Variants in NOL4 observed in about 807,000 individuals in gnomAD.
NOL4 encodes the protein cancer/testis antigen 125.
A neutral mutation model predicts 75.9 loss-of-function variants in NOL4; 17 were observed. The observed-to-expected ratio is 0.22, with a 90% CI of 0.15 to 0.34. NOL4 has a LOEUF of 0.34. Ranked by LOEUF, NOL4 falls within the 10% of genes least tolerant of loss-of-function variation. The pLI, the probability that NOL4 is intolerant of heterozygous loss-of-function variation, is 1.00. For synonymous variants in NOL4, 292 were observed against 289.9 expected (o/e 1.01, Z -0.07); for missense variants, 614 against 793.5 (o/e 0.77, Z 2.72).
At chr18:34,108,081 A>C (rs2079397089) in intron 2 of NOL4, among the ~76,000 whole-genome samples, 1 of 152,158 alleles carries the variant, frequency 6.6e-6, no homozygotes, top group African/African-American at 2.4e-5. Flanking sequence ...CAGGCCCTCC[A>C]TTACACTCGA....
chr18:33,959,956 T>C (rs180824874), intron 6 of NOL4, among the ~76,000 whole-genome samples: 132 of 152,076 alleles, frequency 8.7e-4, no homozygotes, highest in African/African-American at 2.6e-3. Flanking sequence ...TGTGTGTGTG[T>C]GCGTGTATGC....
chr18:34,024,931 A>G (rs1008467422), intron 5 of NOL4, among the ~76,000 whole-genome samples: 4 of 152,176 alleles, frequency 2.6e-5, no homozygotes, highest in Admixed American at 6.6e-5. Flanking sequence ...CATTTCTCAT[A>G]TAAGTGCTTA....
At chr18:34,092,893 G>A (rs1355636554) in intron 5 of NOL4, among the ~76,000 whole-genome samples, 1 of 152,078 alleles carries the variant, frequency 6.6e-6, no homozygotes, top group African/African-American at 2.4e-5. Context: ...TCAAGAATAG[G>A]CTGATTCAGA....
chr18:33,897,574 G>A (rs937831126), intron 9 of NOL4, among the ~76,000 whole-genome samples: 7 of 151,980 alleles, frequency 4.6e-5, no homozygotes, highest in Non-Finnish European at 1.0e-4. Context: ...AAGAACTTAG[G>A]AACACAAAGA....
At chr18:34,041,029 G>T (rs557962813) in intron 5 of NOL4, among the ~76,000 whole-genome samples, 17 of 152,002 alleles carry the variant, frequency 1.1e-4, no homozygotes, top group African/African-American at 3.4e-4. Flanking sequence ...GAAAAAATTT[G>T]CCAGATTATA....
chr18:34,129,386 A>G (rs904300731), intron 2 of NOL4, among the ~76,000 whole-genome samples: 5 of 151,792 alleles, frequency 3.3e-5, no homozygotes, highest in Admixed American at 2.6e-4. Flanking sequence ...GGATAAATAC[A>G]TTGAATATAA....
At chr18:34,120,678 G>A (rs2080098284) in intron 2 of NOL4, among the ~76,000 whole-genome samples, 1 of 152,120 alleles carries the variant, frequency 6.6e-6, no homozygotes, top group African/African-American at 2.4e-5. Context: ...CAGAGTAAAA[G>A]AAATGAAAAG....
At chr18:34,147,647 T>C (rs1320368694) in intron 1 of NOL4, among the ~76,000 whole-genome samples, 1 of 152,192 alleles carries the variant, frequency 6.6e-6, no homozygotes, top group Non-Finnish European at 1.5e-5. Flanking sequence ...TTGGCATCAA[T>C]GTTTATAATG....
chr18:34,172,154 G>T (rs537164586), intron 1 of NOL4, among the ~76,000 whole-genome samples: 3 of 152,200 alleles, frequency 2.0e-5, no homozygotes, highest in Admixed American at 1.3e-4. Flanking sequence ...AAAGCTTTAA[G>T]ATCAGGAACT....
At chr18:34,125,915 T>C (rs1372377696) in intron 2 of NOL4, among the ~76,000 whole-genome samples, 1 of 152,000 alleles carries the variant, frequency 6.6e-6, no homozygotes, top group Admixed American at 6.6e-5. Context: ...TCATGCTTTC[T>C]TATAAACCCA....
At chr18:33,865,519 CA>C (rs2063388807) in intron 10 of NOL4, among the ~76,000 whole-genome samples, 1 of 151,850 alleles carries the variant, frequency 6.6e-6, no homozygotes, top group Non-Finnish European at 1.5e-5. Flanking sequence ...AAAATTCTTT[CA>C]ATACTTCTGC....
chr18:33,894,210 G>A (rs1022781892), intron 9 of NOL4, among the ~76,000 whole-genome samples: 1 of 151,976 alleles, frequency 6.6e-6, no homozygotes, highest in African/African-American at 2.4e-5. Context: ...GAAATTCTGC[G>A]AGATCCAGTG....
intron 6 of NOL4, among the ~76,000 whole-genome samples, chr18:34,002,412 C>T (rs1054119301): frequency 1.3e-5 from 2 of 152,046 alleles, no homozygotes; most frequent in Admixed American, 6.6e-5. Flanking sequence ...CTAGCTCCTA[C>T]GCATTCTTTA....
chr18:34,049,074 GCACACACACACA>G lies in NOL4; in HGVS notation c.773-29485_773-29474del, dbSNP rs1163959249. Among the ~76,000 whole-genome samples, 199 of 64,782 alleles carry G rather than the reference GCACACACACACA, an allele frequency of 3.1e-3. 1 individual carries two copies. Among genetic ancestry groups the G allele is most frequent in the African/African-American group, 9.1e-3 (186 of 20,356 alleles). 42.5% of individuals were successfully genotyped at this position (64,782 alleles called of 152,430 possible). A position where few individuals can be genotyped will look rare whatever the true frequency, so the allele number is the denominator to read the frequency against. On this transcript the variant is annotated intron_variant, in intron 5 of 10. Transcript: ENST00000261592. The stretch of plus-strand genomic sequence containing the variant: ...ACTTGAAGGTTAGATACAGGCGCGC[GCACACACACACA>G]CACACACACACACACACACACACAC...
chr18:34,213,374 C>T (rs1156859069), intron 1 of NOL4, among the ~76,000 whole-genome samples: 1 of 152,222 alleles, frequency 6.6e-6, no homozygotes, highest in Non-Finnish European at 1.5e-5. Flanking sequence ...ACTGCAACCT[C>T]CGCCTCCCGG....
chr18:33,889,235 T>C lies in NOL4; in HGVS notation c.1543-5811A>G, dbSNP rs373830426. ...TAGAAACTATCATCAGAGAATACTA[T>C]ACACATCTCTATGCAAATAAACTTG... On this transcript the variant is annotated intron_variant, in intron 9 of 10. Coordinates refer to ENST00000261592, the MANE Select transcript of NOL4 (RefSeq NM_003787.5). 3.3e-5 allele frequency among the ~76,000 whole-genome samples: 5 copies of C among 152,212 alleles called. No individual in the cohort carries two copies. The East Asian group carries it at 9.7e-4, about 29-fold the overall frequency.
At chr18:34,051,774 TAGTGTGTGAGAG>T (rs1254953288) in intron 5 of NOL4, among the ~76,000 whole-genome samples, 2 of 151,936 alleles carry the variant, frequency 1.3e-5, no homozygotes, top group Non-Finnish European at 2.9e-5. Flanking sequence ...TTCTCCCTGC[TAGTGTGTGAGAG>T]AGTGTGTGTG....
intron 1 of NOL4, among the ~76,000 whole-genome samples, chr18:34,140,688 T>C (rs926528705): frequency 5.3e-5 from 8 of 152,192 alleles, no homozygotes; most frequent in African/African-American, 1.9e-4. Flanking sequence ...CATTTAATGT[T>C]AATCTTGTTA....
At chr18:33,918,780 T>G (rs2066872240) in intron 9 of NOL4, among the ~76,000 whole-genome samples, 1 of 152,158 alleles carries the variant, frequency 6.6e-6, no homozygotes, top group Admixed American at 6.6e-5. Flanking sequence ...CAAACTCAAC[T>G]TCCTCTAGGG....
Sources: allele counts gnomAD v4.1 joint callset (sites outside exome capture counted in the v4.1 genomes callset), GRCh38; gene constraint gnomAD v4.1.1; transcripts MANE v1.5; gene names NCBI Gene and HGNC (gene_info 2026-07-23, HGNC 2026-07-21).